The following FTCDNL1 variants were observed in gnomAD, a reference collection of about 807,000 sequenced individuals.
FTCDNL1 encodes the protein formiminotransferase cyclodeaminase N-terminal like.
FTCDNL1 carries 11 observed loss-of-function variants against 5.9 expected under a neutral mutation model. The observed-to-expected ratio is 1.87, with a 90% CI of 1.18 to 3.10. The LOEUF is 3.10. Among genes scored for constraint, FTCDNL1 ranks in the 30% most tolerant of loss-of-function variants. The pLI is 0.00. For synonymous variants in FTCDNL1, 58 were observed against 24.8 expected, an observed-to-expected ratio of 2.34 and a Z score of -3.99; for missense variants, 115 against 65.5, an observed-to-expected ratio of 1.76 and a Z score of -2.61.
intron 3 of FTCDNL1, among the ~76,000 whole-genome samples, chr2:199,792,374 T>A (rs926645387): frequency 2.0e-5 from 3 of 152,202 alleles, no homozygotes; most frequent in African/African-American, 7.2e-5. Flanking sequence ...CCCTGCCTCA[T>A]CCTGCAAATA....
chr2:199,795,415 C>T (rs1057464222), intron 3 of FTCDNL1, among the ~76,000 whole-genome samples: 6 of 152,134 alleles, frequency 3.9e-5, no homozygotes, highest in Admixed American at 1.3e-4. Flanking sequence ...ATCTTATTAA[C>T]GAGGGCTTTC....
chr2:199,747,779 T>G, the FTCDNL1 span, among the ~76,000 whole-genome samples: 2 of 152,162 alleles, frequency 1.3e-5, no homozygotes, highest in Non-Finnish European at 2.9e-5. Flanking sequence ...TTCCAGCTCA[T>G]TCTGCACAGT....
chr2:199,773,929 A>G (rs1559175294), intron 3 of FTCDNL1, among the ~76,000 whole-genome samples: 1 of 152,208 alleles, frequency 6.6e-6, no homozygotes, highest in East Asian at 1.9e-4. Flanking sequence ...TTACAGAGAA[A>G]GCCTCCACTG....
the FTCDNL1 span, among the ~76,000 whole-genome samples, chr2:199,680,796 TG>T: frequency 6.6e-6 from 1 of 152,204 alleles, no homozygotes; most frequent in Non-Finnish European, 1.5e-5. Context: ...GAAATGTGTT[TG>T]GGACAAATAT....
the FTCDNL1 span, among the ~76,000 whole-genome samples, chr2:199,752,523 G>T: frequency 6.6e-6 from 1 of 152,150 alleles, no homozygotes; most frequent in African/African-American, 2.4e-5. Flanking sequence ...TCAGTCAAAG[G>T]CCTGAATAGA....
the FTCDNL1 span, among the ~76,000 whole-genome samples, chr2:199,747,664 A>G: frequency 6.6e-6 from 1 of 152,080 alleles, no homozygotes; most frequent in South Asian, 2.1e-4. Context: ...GCCAGCTCGC[A>G]TCGTTTATGA....
At chr2:199,674,603 G>A in the FTCDNL1 span, among the ~76,000 whole-genome samples, 2 of 152,160 alleles carry the variant, frequency 1.3e-5, no homozygotes, top group African/African-American at 4.8e-5. Flanking sequence ...CCCAACCAGA[G>A]ATTAGATTCC....
intron 3 of FTCDNL1, among the ~76,000 whole-genome samples, chr2:199,762,658 T>C (rs1698324911): frequency 1.3e-5 from 2 of 152,326 alleles, no homozygotes; most frequent in South Asian, 4.1e-4. Flanking sequence ...GTTTTTGCAA[T>C]GTTACCCTTT....
the FTCDNL1 span, among the ~76,000 whole-genome samples, chr2:199,679,545 A>C: frequency 6.6e-6 from 1 of 151,616 alleles, no homozygotes; most frequent in East Asian, 1.9e-4. Context: ...CTTGCTGTTT[A>C]TTTTGTGGGT....
chr2:199,775,912 CTT>C (rs71019085), intron 3 of FTCDNL1, among the ~76,000 whole-genome samples: 3,532 of 117,738 alleles, frequency 0.03, 132 homozygotes, highest in Admixed American at 0.13. Context: ...GCAGGATCTC[CTT>C]TTTTTTTTTT....
the FTCDNL1 span, among the ~76,000 whole-genome samples, chr2:199,700,031 T>G: frequency 3.3e-5 from 5 of 152,120 alleles, no homozygotes; most frequent in Non-Finnish European, 7.4e-5. Context: ...TTCAACATAG[T>G]ACTGGAAGTC....
At chr2:199,824,007 G>T (rs991715826) in intron 3 of FTCDNL1, among the ~76,000 whole-genome samples, 1 of 152,152 alleles carries the variant, frequency 6.6e-6, no homozygotes, top group African/African-American at 2.4e-5. Flanking sequence ...TAGAGACAGG[G>T]TCTCACTATA....
chr2:199,771,534 T>G (rs770480535), intron 3 of FTCDNL1, among the ~76,000 whole-genome samples: 8 of 152,218 alleles, frequency 5.3e-5, no homozygotes, highest in African/African-American at 1.4e-4. Context: ...ATAATTATTT[T>G]AAATACATAA....
At chr2:199,849,040 AT>A (rs2076805384) in intron 1 of FTCDNL1, 71 bp from the exon 2 acceptor site, 1 of 656,850 alleles carries the variant, frequency 1.5e-6, no homozygotes. Flanking sequence ...CTATAAAAAA[AT>A]CATAACTTTT....
chr2:199,714,330 C>T, the FTCDNL1 span, among the ~76,000 whole-genome samples: 8 of 151,508 alleles, frequency 5.3e-5, no homozygotes, highest in Non-Finnish European at 7.4e-5. Flanking sequence ...GAGAATCTGA[C>T]TAAAAAAAAA....
At chr2:199,663,859 T>G in the FTCDNL1 span, among the ~76,000 whole-genome samples, 1 of 152,196 alleles carries the variant, frequency 6.6e-6, no homozygotes, top group Non-Finnish European at 1.5e-5. Context: ...CGAGATCTCC[T>G]TTATTTCTCT....
At chr2:199,740,827 G>A in the FTCDNL1 span, among the ~76,000 whole-genome samples, 1 of 152,158 alleles carries the variant, frequency 6.6e-6, no homozygotes, top group East Asian at 1.9e-4. Context: ...AGCAACTCTC[G>A]ATTTGAAAAT....
At chr2:199,803,325 G>T (rs1052114801) in intron 3 of FTCDNL1, among the ~76,000 whole-genome samples, 3 of 152,086 alleles carry the variant, frequency 2.0e-5, no homozygotes, top group South Asian at 2.1e-4. Context: ...CTGCCATAGA[G>T]GGGTGAGTCA....
chr2:199,691,766 T>C, the FTCDNL1 span, among the ~76,000 whole-genome samples: 1 of 152,200 alleles, frequency 6.6e-6, no homozygotes, highest in Non-Finnish European at 1.5e-5. Flanking sequence ...CTCTGTGCAT[T>C]CTCAATGCTC....
Sources: gnomAD v4.1 joint callset for allele counts (sites outside exome capture counted in the v4.1 genomes callset) on GRCh38, gnomAD v4.1.1 for gene constraint, MANE v1.5 for transcripts, NCBI Gene and HGNC (gene_info 2026-07-23, HGNC 2026-07-21) for gene names.